Variants in COL6A5 observed in about 807,000 individuals in gnomAD.
COL6A5 encodes collagen alpha-5(VI) chain.
In COL6A5, 48 loss-of-function variants were observed where a neutral mutation model predicts 65.6. That is an observed-to-expected ratio of 0.73 (90% CI 0.58 to 0.93). The LOEUF is 0.93. Ranked by LOEUF, COL6A5 falls within the 40% of genes least tolerant of loss-of-function variation. The probability of loss-of-function intolerance (pLI) is 0.00; values close to 1 mark genes in which losing one functional copy is unlikely to be tolerated. For synonymous variants in COL6A5, 291 were observed against 322.8 expected (o/e 0.90, Z 1.05); for missense variants, 914 against 928.3 (o/e 0.98, Z 0.20).
rs1442980143 is a variant in COL6A5 at position 130,471,865 on chromosome 3, G to A, written c.2328+898G>A. The A allele has an allele frequency of 5.4e-6, 8 of 1,475,416 alleles. No individual in the cohort carries two copies. The Admixed American group carries it at 1.1e-4, about 21-fold the overall frequency. 91.4% of individuals were successfully genotyped at this position (1,475,416 alleles called of 1,614,324 possible). On this transcript the variant is annotated intron_variant, in intron 7 of 7. Transcript: ENST00000512836. ...CTGAGAAACTGGCAATGAAAGACAA[G>A]GAAAAAGCACATTTAGAAGAAATTT...
chr3:130,455,463 C>A, exon 5 of COL6A5: 1 of 1,607,366 alleles, frequency 6.2e-7, no homozygotes, highest in Non-Finnish European at 8.5e-7. Flanking sequence ...AGATTTGTTA[C>A]TGAGCTACAA....
intron 2 of COL6A5, among the ~76,000 whole-genome samples, chr3:130,374,966 A>T (rs1262922489): frequency 2.0e-5 from 3 of 152,230 alleles, no homozygotes; most frequent in Non-Finnish European, 4.4e-5. Flanking sequence ...GAAGTATTTT[A>T]AACTGTGCAT....
At chr3:130,407,773 G>T (rs1240824175) in intron 17 of COL6A5, among the ~76,000 whole-genome samples, 3 of 152,206 alleles carry the variant, frequency 2.0e-5, no homozygotes, top group Non-Finnish European at 4.4e-5. Flanking sequence ...TGCCTGCAAG[G>T]ATCCTGGCTT....
intron 7 of COL6A5, 131 bp downstream of exon 39, chr3:130,471,098 G>GTT: frequency 1.5e-6 from 1 of 680,670 alleles, no homozygotes; most frequent in Non-Finnish European, 2.6e-6. Context: ...GTGTGTGTGT[G>GTT]TGTTTTAAAT....
chr3:130,391,535 G>A lies in COL6A5; in HGVS notation c.2773G>A (p.Asp925Asn), dbSNP rs776830442. Reference sequence around the variant, plus strand: ...GAAGCAGATGCTGATTGTCATCACCGATGGGGAATCCCATGACCATGATCA... The same window carrying A: ...GAAGCAGATGCTGATTGTCATCACCAATGGGGAATCCCATGACCATGATCA... The change falls in exon 7 of 42, where the codon GAT becomes AAT. Residue 925 changes from aspartate (D) to asparagine (N), a missense_variant and NMD_transcript_variant. Physicochemically the swap from Asp to Asn is conservative, Grantham distance 23. Transcript: ENST00000312481. The A allele has an allele frequency of 8.4e-6, 13 of 1,551,556 alleles. No homozygotes were observed. The highest frequency in any genetic ancestry group is 2.4e-5 in the East Asian group (1 of 40,928).
chr3:130,400,880 T>A (rs1936790617), intron 10 of COL6A5, 151 bp from the exon 11 acceptor site: 1 of 570,470 alleles, frequency 1.8e-6, no homozygotes, highest in African/African-American at 1.9e-5. Flanking sequence ...TGTTAGTTTC[T>A]TCATATGTCA....
At chr3:130,406,375 G>C in intron 17 of COL6A5, 54 bp downstream of exon 17, 1 of 1,354,870 alleles carries the variant, frequency 7.4e-7, no homozygotes, top group Non-Finnish European at 1.0e-6. Flanking sequence ...GACAGAGACA[G>C]TCTTAACTGC....
In COL6A5 at chr3:130,348,650, G is replaced by C. The variant is rs551526993; in HGVS notation, c.-29+2669G>C. ...TGGATATGTACCCAGTAATGAGATC[G>C]CTGAGTCAATTGGTATTTCTGGTTC... is the stretch of plus-strand genomic sequence containing the variant. On this transcript the variant is annotated intron_variant and NMD_transcript_variant, in intron 1 of 41. Coordinates refer to the COL6A5 transcript ENST00000312481. 3.3e-5 allele frequency among the ~76,000 whole-genome samples: 5 copies of C among 152,216 alleles called. No individual in the cohort carries two copies. In the East Asian group the frequency reaches 9.7e-4, roughly 29 times the overall value.
chr3:130,417,679 C>T (rs1298356667), intron 24 of COL6A5, among the ~76,000 whole-genome samples: 2 of 152,100 alleles, frequency 1.3e-5, no homozygotes, highest in African/African-American at 4.8e-5. Flanking sequence ...AATGATTAAC[C>T]TCATCGGAAT....
At chr3:130,395,406 A>T (rs1936561207) in exon 8 of COL6A5, 1 of 1,547,142 alleles carries the variant, frequency 6.5e-7, no homozygotes, top group African/African-American at 1.4e-5. Flanking sequence ...GATAAATTAA[A>T]GAATGTGGAT....
At chr3:130,429,173 A>G (rs760615056), upstream of COL6A5, among the ~76,000 whole-genome samples, 1 of 152,216 alleles carries the variant, frequency 6.6e-6, no homozygotes, top group Non-Finnish European at 1.5e-5. Flanking sequence ...AGGGAAGAAA[A>G]TAAGACCCCG....
At chr3:130,382,795 G>A (rs1321817206) in intron 4 of COL6A5, among the ~76,000 whole-genome samples, 1 of 152,036 alleles carries the variant, frequency 6.6e-6, no homozygotes, top group Non-Finnish European at 1.5e-5. Context: ...ATTAAATCAA[G>A]GCAAAATTCA....
rs140784631 is a variant in COL6A5 at position 130,464,147 on chromosome 3, T to C, written c.1545-4648T>C. Among the ~76,000 whole-genome samples the C allele has an allele frequency of 1.1e-3, 162 of 152,186 alleles. 1 individual carries two copies. The highest frequency in any genetic ancestry group is 3.7e-3 in the African/African-American group (153 of 41,540). ...AAATTCTTTTTCTTTTTCATTCTTT[T>C]TAGAGATAGGATTTTGCTCTGTTGC... On this transcript the variant is annotated intron_variant, in intron 5 of 7. Transcript: ENST00000512836.
At chr3:130,483,682 T>C (rs1304975631) in intron 7 of COL6A5, among the ~76,000 whole-genome samples, 2 of 152,134 alleles carry the variant, frequency 1.3e-5, no homozygotes, top group African/African-American at 4.8e-5. Context: ...TAGAAATTAA[T>C]GTTAAAAAAG....
exon 6 of COL6A5, chr3:130,469,108 C>A: frequency 6.2e-7 from 1 of 1,612,988 alleles, no homozygotes; most frequent in Non-Finnish European, 8.5e-7. Flanking sequence ...ACAGTATACA[C>A]CAAATGAAAC....
chr3:130,455,432 C>T (rs1197187438), intron 4 of COL6A5, 23 bp from the exon 37 acceptor site: 1 of 1,499,764 alleles, frequency 6.7e-7, no homozygotes, highest in Non-Finnish European at 9.2e-7. Flanking sequence ...TCTAGACTCA[C>T]CTAAAGTTTT....
chr3:130,419,787 T>C (rs1434258695), intron 25 of COL6A5, among the ~76,000 whole-genome samples: 3 of 152,032 alleles, frequency 2.0e-5, no homozygotes, highest in Non-Finnish European at 4.4e-5. Context: ...TTGGTCAAAG[T>C]ATACAAAATT....
chr3:130,411,929 C>T (rs1213094473), intron 20 of COL6A5, among the ~76,000 whole-genome samples: 1 of 152,112 alleles, frequency 6.6e-6, no homozygotes, highest in Non-Finnish European at 1.5e-5. Context: ...GTTTTCTCCC[C>T]TCTCCCCAAC....
exon 16 of COL6A5, chr3:130,406,134 G>A: frequency 6.5e-7 from 1 of 1,549,634 alleles, no homozygotes; most frequent in East Asian, 2.4e-5. Context: ...CTCTCAGGGA[G>A]GTCATGGAGA....
Sources: gnomAD v4.1 joint callset for allele counts (sites outside exome capture counted in the v4.1 genomes callset) on GRCh38, gnomAD v4.1.1 for gene constraint, MANE v1.5 for transcripts, NCBI Gene and HGNC (gene_info 2026-07-23, HGNC 2026-07-21) for gene names.